The following RBFOX1 variants were observed in gnomAD, a reference collection of about 807,000 sequenced individuals.
RBFOX1 encodes the protein RNA binding protein fox-1 homolog 1.
A neutral mutation model predicts 57.7 loss-of-function variants in RBFOX1; 8 were observed. The observed-to-expected ratio is 0.14, with a 90% CI of 0.08 to 0.25. The LOEUF is 0.25. Ranked by LOEUF, RBFOX1 falls within the 10% of genes least tolerant of loss-of-function variation. RBFOX1 has a pLI of 1.00. For missense variants in RBFOX1, 611 were observed against 548.5 expected (o/e 1.11, Z -1.14); for synonymous variants, 326 against 222.4 (o/e 1.47, Z -4.15).
intron 3 of RBFOX1, among the ~76,000 whole-genome samples, chr16:6,899,888 TGA>T (rs1232896844): frequency 6.6e-6 from 1 of 152,180 alleles, no homozygotes; most frequent in African/African-American, 2.4e-5. Flanking sequence ...AAGTTAACAA[TGA>T]GAGAGATTTT....
chr16:6,596,149 C>T (rs1384745063), intron 2 of RBFOX1, among the ~76,000 whole-genome samples: 1 of 151,934 alleles, frequency 6.6e-6, no homozygotes, highest in East Asian at 1.9e-4. Context: ...TTTTTTATTG[C>T]TTATTCTTTT....
chr16:7,651,496 A>G (rs1370860635), intron 11 of RBFOX1, among the ~76,000 whole-genome samples: 3 of 152,138 alleles, frequency 2.0e-5, no homozygotes, highest in African/African-American at 7.2e-5. Context: ...TTTCCTTCCA[A>G]TTCTTTTGCC....
At chr16:5,904,447 T>C (rs2058392098) in intron 4 of RBFOX1, among the ~76,000 whole-genome samples, 1 of 151,764 alleles carries the variant, frequency 6.6e-6, no homozygotes, top group African/African-American at 2.4e-5. Context: ...GCAGGAAATA[T>C]GGGGAACCTC....
At chr16:5,567,777 A>T (rs1292317019) in intron 2 of RBFOX1, among the ~76,000 whole-genome samples, 2 of 151,956 alleles carry the variant, frequency 1.3e-5, no homozygotes, top group East Asian at 3.9e-4. Context: ...ACCGTCACCT[A>T]TACTGATTAG....
intron 1 of RBFOX1, among the ~76,000 whole-genome samples, chr16:6,200,765 A>C (rs2097209686): frequency 6.6e-6 from 1 of 152,100 alleles, no homozygotes; most frequent in Admixed American, 6.5e-5. Context: ...AGACAAGGGG[A>C]CTTACCTGAA....
chr16:6,401,065 T>G lies in RBFOX1; in HGVS notation c.-64+84008T>G, dbSNP rs914215327. ...CCCAGATCTTGGTTTCTAAATATCA[T>G]TAATCATTAAAAGGAACCAAAACTT... On this transcript the variant is annotated intron_variant, in intron 2 of 15. Coordinates refer to ENST00000550418, the MANE Select transcript of RBFOX1 (RefSeq NM_018723.4). 2.0e-5 allele frequency among the ~76,000 whole-genome samples: 3 copies of G among 152,262 alleles called. No homozygotes were observed. In the South Asian group the frequency reaches 6.2e-4, roughly 32 times the overall value.
intron 2 of RBFOX1, among the ~76,000 whole-genome samples, chr16:6,385,427 T>C (rs958877999): frequency 2.0e-5 from 3 of 152,238 alleles, no homozygotes; most frequent in South Asian, 2.1e-4. Flanking sequence ...TGCCGCCATC[T>C]TGGCTCACTG....
At chr16:7,096,476 A>T (rs1478702) in intron 4 of RBFOX1, among the ~76,000 whole-genome samples, 1 of 151,940 alleles carries the variant, frequency 6.6e-6, no homozygotes, top group Non-Finnish European at 1.5e-5. Context: ...GGTGGACCAC[A>T]CTCATCCAAG....
chr16:6,994,427 G>A (rs1172271780), intron 3 of RBFOX1, among the ~76,000 whole-genome samples: 2 of 152,158 alleles, frequency 1.3e-5, no homozygotes, highest in Admixed American at 1.3e-4. Flanking sequence ...GCACCCAATT[G>A]TAAAAACCAC....
At chr16:5,829,583 C>T (rs981669440) in intron 3 of RBFOX1, among the ~76,000 whole-genome samples, 1 of 151,136 alleles carries the variant, frequency 6.6e-6, no homozygotes, top group African/African-American at 2.5e-5. Context: ...CCTCCAACAT[C>T]CCCCTCCATC....
chr16:5,988,499 C>G (rs1436330112), intron 4 of RBFOX1, among the ~76,000 whole-genome samples: 4 of 152,168 alleles, frequency 2.6e-5, no homozygotes, highest in Admixed American at 1.3e-4. Context: ...ACTACTTCGT[C>G]TAAGTTCCCA....
intron 1 of RBFOX1, among the ~76,000 whole-genome samples, chr16:5,373,360 A>G (rs541259505): frequency 6.6e-6 from 1 of 152,200 alleles, no homozygotes; most frequent in African/African-American, 2.4e-5. Context: ...GTGGGAGGTG[A>G]CTGGATCATG....
chr16:6,658,325 C>G (rs1481062454), intron 3 of RBFOX1, among the ~76,000 whole-genome samples: 1 of 151,816 alleles, frequency 6.6e-6, no homozygotes, highest in Non-Finnish European at 1.5e-5. Flanking sequence ...ATTGCAACCT[C>G]CGCCTCCCGG....
At chr16:5,845,837 G>T (rs898847426) in intron 3 of RBFOX1, among the ~76,000 whole-genome samples, 1 of 152,130 alleles carries the variant, frequency 6.6e-6, no homozygotes, top group Non-Finnish European at 1.5e-5. Context: ...TCTATAAAAT[G>T]GGGGACCTCA....
intron 3 of RBFOX1, among the ~76,000 whole-genome samples, chr16:6,953,861 C>T (rs1047605984): frequency 1.3e-5 from 2 of 152,118 alleles, no homozygotes; most frequent in African/African-American, 4.8e-5. Context: ...TCTCTCTTTG[C>T]CCATTGGCGG....
chr16:6,225,578 A>T (rs1316929886), intron 1 of RBFOX1, among the ~76,000 whole-genome samples: 1 of 152,220 alleles, frequency 6.6e-6, no homozygotes, highest in African/African-American at 2.4e-5. Flanking sequence ...AAATGAGGAT[A>T]GTGAAATTTA....
At chr16:6,662,957 A>T (rs1253717311) in intron 3 of RBFOX1, among the ~76,000 whole-genome samples, 1 of 152,238 alleles carries the variant, frequency 6.6e-6, no homozygotes, top group African/African-American at 2.4e-5. Context: ...AATTGTGAGT[A>T]TGGATCGCAC....
At chr16:6,982,988 C>G (rs745419287) in intron 3 of RBFOX1, among the ~76,000 whole-genome samples, 2 of 86,684 alleles carry the variant, frequency 2.3e-5, no homozygotes, top group Non-Finnish European at 4.1e-5. Context: ...GAGTGAGACT[C>G]TGTCTAAAAA....
At chr16:5,480,423 AAAAT>A (rs1423486850) in intron 2 of RBFOX1, among the ~76,000 whole-genome samples, 8 of 152,210 alleles carry the variant, frequency 5.3e-5, no homozygotes, top group Non-Finnish European at 8.8e-5. Context: ...TCCTTTCTCA[AAAAT>A]ACAGACAAGT....
Sources: allele counts gnomAD v4.1 joint callset (sites outside exome capture counted in the v4.1 genomes callset), GRCh38; gene constraint gnomAD v4.1.1; transcripts MANE v1.5; gene names NCBI Gene and HGNC (gene_info 2026-07-23, HGNC 2026-07-21).